Variants in TRDN observed in about 807,000 individuals in gnomAD.
The protein encoded by TRDN is triadin.
Under a neutral mutation model 149.7 loss-of-function variants are expected in TRDN, and 161 were observed. The observed-to-expected ratio is 1.08, with a 90% CI of 0.95 to 1.23. The LOEUF (loss-of-function observed/expected upper bound fraction) is 1.23. TRDN is among the 50% of genes most tolerant of loss of function. The pLI, the probability that TRDN is intolerant of heterozygous loss-of-function variation, is 0.00. For missense variants in TRDN, 896 were observed against 823.5 expected (o/e 1.09, Z -1.08); for synonymous variants, 294 against 250.5 (o/e 1.17, Z -1.64).
chr6:123,531,422 A>G (rs1780248418), intron 4 of TRDN, among the ~76,000 whole-genome samples: 1 of 152,060 alleles, frequency 6.6e-6, no homozygotes, highest in Non-Finnish European at 1.5e-5. Context: ...CCATTTGTAA[A>G]TCTGCATTTG....
intron 24 of TRDN, among the ~76,000 whole-genome samples, chr6:123,296,992 G>A (rs1778227021): frequency 6.6e-6 from 1 of 152,048 alleles, no homozygotes; most frequent in Non-Finnish European, 1.5e-5. Flanking sequence ...TATTTATGGT[G>A]TTTTTTATTT....
chr6:123,276,348 A>G (rs1333989940), intron 26 of TRDN, among the ~76,000 whole-genome samples: 1 of 152,172 alleles, frequency 6.6e-6, no homozygotes, highest in Non-Finnish European at 1.5e-5. Flanking sequence ...CAAAAAACTT[A>G]GCTTAATTGT....
chr6:123,478,821 C>T (rs1215595789), intron 9 of TRDN, among the ~76,000 whole-genome samples: 2 of 152,176 alleles, frequency 1.3e-5, no homozygotes, highest in Non-Finnish European at 2.9e-5. Flanking sequence ...TTTAGCCCTT[C>T]TTGGACTCCC....
chr6:123,517,427 T>C (rs1779467041), intron 5 of TRDN, among the ~76,000 whole-genome samples: 3 of 152,158 alleles, frequency 2.0e-5, no homozygotes, highest in African/African-American at 7.2e-5. Flanking sequence ...TTAACCTTTC[T>C]AACATGAAAA....
intron 24 of TRDN, among the ~76,000 whole-genome samples, chr6:123,302,595 A>G (rs1423735117): frequency 1.3e-5 from 2 of 152,096 alleles, no homozygotes; most frequent in Admixed American, 6.6e-5. Context: ...CATTCAACAG[A>G]TAGGGATAAT....
At chr6:123,243,524 A>G (rs547182490) in intron 38 of TRDN, among the ~76,000 whole-genome samples, 1 of 152,326 alleles carries the variant, frequency 6.6e-6, no homozygotes, top group East Asian at 1.9e-4. Flanking sequence ...AAAACAATAC[A>G]GAGAAGTCAG....
chr6:123,253,202 A>G lies in TRDN; in HGVS notation c.1952-767T>C, dbSNP rs533525688. ...GCTTTCTTATTAAGCTGTATTTAGG[A>G]CAAAATAACTAAGGTGAAATTATTG... On this transcript the variant is annotated intron_variant, in intron 37 of 40. Transcript: ENST00000334268. Among the ~76,000 whole-genome samples the G allele has an allele frequency of 3.4e-4, 51 of 152,154 alleles. No homozygotes were observed. In the East Asian group the frequency reaches 5.4e-3, roughly 16 times the overall value.
intron 12 of TRDN, among the ~76,000 whole-genome samples, chr6:123,419,479 T>C (rs1773804053): frequency 6.6e-6 from 1 of 152,136 alleles, no homozygotes; most frequent in Non-Finnish European, 1.5e-5. Context: ...GTTCAAATGA[T>C]GCCCCTGCCT....
chr6:123,321,381 A>G (rs1321518096), intron 23 of TRDN, among the ~76,000 whole-genome samples: 1 of 152,168 alleles, frequency 6.6e-6, no homozygotes, highest in Non-Finnish European at 1.5e-5. Flanking sequence ...AATTAAAAAA[A>G]ACATTTTATT....
intron 1 of TRDN, among the ~76,000 whole-genome samples, chr6:123,589,504 A>G (rs1486111828): frequency 6.6e-6 from 1 of 152,130 alleles, no homozygotes; most frequent in African/African-American, 2.4e-5. Flanking sequence ...TACTAAGCTG[A>G]ATGCTTCAGA....
At chr6:123,625,131 A>T (rs904970126) in intron 1 of TRDN, among the ~76,000 whole-genome samples, 1 of 151,870 alleles carries the variant, frequency 6.6e-6, no homozygotes, top group Non-Finnish European at 1.5e-5. Flanking sequence ...CTCCTTGAAA[A>T]ATCATTACAC....
At chr6:123,368,758 T>C (rs929213733) in intron 19 of TRDN, among the ~76,000 whole-genome samples, 2 of 152,194 alleles carry the variant, frequency 1.3e-5, no homozygotes, top group African/African-American at 4.8e-5. Flanking sequence ...ACCATTTTTT[T>C]CTCTTTAGAG....
intron 33 of TRDN, among the ~76,000 whole-genome samples, chr6:123,263,141 G>A (rs1241112586): frequency 1.3e-5 from 2 of 152,032 alleles, no homozygotes; most frequent in Non-Finnish European, 2.9e-5. Flanking sequence ...AGTTCTTGAA[G>A]GAAATTAAAA....
intron 1 of TRDN, among the ~76,000 whole-genome samples, chr6:123,599,673 T>C (rs1784191646): frequency 6.6e-6 from 1 of 152,072 alleles, no homozygotes; most frequent in Non-Finnish European, 1.5e-5. Flanking sequence ...TTTCCCCATT[T>C]TGATTAAAGA....
intron 16 of TRDN, among the ~76,000 whole-genome samples, chr6:123,381,147 T>A (rs1310831309): frequency 6.6e-6 from 1 of 152,102 alleles, no homozygotes; most frequent in Non-Finnish European, 1.5e-5. Context: ...TATTGTTAGA[T>A]GATTGCATGA....
At chr6:123,308,284 C>T (rs1778688777) in intron 24 of TRDN, among the ~76,000 whole-genome samples, 1 of 150,172 alleles carries the variant, frequency 6.7e-6, no homozygotes, top group African/African-American at 2.4e-5. Flanking sequence ...AGCTTGATTC[C>T]ATGTCTTTGT....
chr6:123,364,190 T>C (rs915745275), intron 20 of TRDN, among the ~76,000 whole-genome samples: 2 of 152,194 alleles, frequency 1.3e-5, no homozygotes, highest in Non-Finnish European at 2.9e-5. Flanking sequence ...GTGTTAAATA[T>C]AATTTGGCCA....
At chr6:123,524,075 C>T (rs530895858) in intron 5 of TRDN, among the ~76,000 whole-genome samples, 7 of 152,056 alleles carry the variant, frequency 4.6e-5, no homozygotes, top group Non-Finnish European at 7.4e-5. Context: ...GGCTGGAGTA[C>T]GCACATAGAT....
chr6:123,483,037 T>C (rs1777814629), intron 9 of TRDN, among the ~76,000 whole-genome samples: 3 of 150,590 alleles, frequency 2.0e-5, no homozygotes, highest in African/African-American at 7.3e-5. Flanking sequence ...CAATGTTTTG[T>C]TCAGTTTTTA....
Sources: gnomAD v4.1 joint callset for allele counts (sites outside exome capture counted in the v4.1 genomes callset) on GRCh38, gnomAD v4.1.1 for gene constraint, MANE v1.5 for transcripts, NCBI Gene and HGNC (gene_info 2026-07-23, HGNC 2026-07-21) for gene names.